SSH2: variants seen among roughly 807,000 people sequenced by gnomAD.
SSH2 encodes the protein protein phosphatase Slingshot homolog 2.
In SSH2, 37 loss-of-function variants were observed where a neutral mutation model predicts 135.2. The ratio of observed to expected loss-of-function variants is 0.27; its 90% CI spans 0.21 to 0.36. The LOEUF (loss-of-function observed/expected upper bound fraction) is 0.36, where lower values mean the gene tolerates loss of function less well. SSH2 is among the 10% of genes least tolerant of loss of function. The pLI, the probability that SSH2 is intolerant of heterozygous loss-of-function variation, is 1.00. For synonymous variants in SSH2, 628 were observed against 646.2 expected, an observed-to-expected ratio of 0.97 and a Z score of 0.43; for missense variants, 1,408 against 1,765.3, an observed-to-expected ratio of 0.80 and a Z score of 3.63.
chr17:29,735,161 A>C (rs1315418244), intron 3 of SSH2, among the ~76,000 whole-genome samples: 3 of 152,138 alleles, frequency 2.0e-5, no homozygotes, highest in Non-Finnish European at 4.4e-5. Flanking sequence ...TGTATTCATG[A>C]ATTTCCTGGT....
At chr17:29,774,528 G>C (rs1462563809) in intron 3 of SSH2, among the ~76,000 whole-genome samples, 1 of 152,194 alleles carries the variant, frequency 6.6e-6, no homozygotes, top group South Asian at 2.1e-4. Flanking sequence ...GCCTCCCAAA[G>C]TGTTGGGATT....
At chr17:29,738,024 C>A (rs1222831134) in intron 3 of SSH2, among the ~76,000 whole-genome samples, 1 of 152,136 alleles carries the variant, frequency 6.6e-6, no homozygotes, top group African/African-American at 2.4e-5. Flanking sequence ...GTGTGCTGCA[C>A]CCATTAACTT....
intron 5 of SSH2, among the ~76,000 whole-genome samples, chr17:29,687,882 T>A (rs1260883147): frequency 1.3e-5 from 2 of 152,166 alleles, no homozygotes; most frequent in Non-Finnish European, 2.9e-5. Flanking sequence ...ACTGATTGGC[T>A]AAGTCAAAGC....
chr17:29,914,903 A>G (rs1465271151), intron 1 of SSH2, among the ~76,000 whole-genome samples: 1 of 152,200 alleles, frequency 6.6e-6, no homozygotes, highest in Non-Finnish European at 1.5e-5. Context: ...CGAGAGAAAT[A>G]TATATTTGAC....
At position 29,740,545 on chromosome 17, in the gene SSH2, C is replaced by T. The variant is rs186693431; in HGVS notation, c.189-37483G>A. Among the ~76,000 whole-genome samples the T allele has an allele frequency of 7.9e-5, 12 of 151,792 alleles. No individual in the cohort carries two copies. In the East Asian group the frequency reaches 2.3e-3, roughly 29 times the overall value. On this transcript the variant is annotated intron_variant, in intron 3 of 15. Coordinates refer to ENST00000540801, the MANE Select transcript of SSH2 (RefSeq NM_001282129.2). ...AAAGAGCCTTTGAGAAACATGCATA[C>T]TTTTCTCTTTTCTCCTATATTCAAT... is the stretch of plus-strand genomic sequence containing the variant.
chr17:29,756,658 G>A (rs377374799), intron 3 of SSH2, among the ~76,000 whole-genome samples: 53 of 151,694 alleles, frequency 3.5e-4, no homozygotes, highest in African/African-American at 1.2e-3. Context: ...TTGGTGTTTT[G>A]TTTTGTTTTT....
rs572917290 is a variant in SSH2, at chr17:29,928,852, CCTT to C, written c.63+1083_63+1085del. Among the ~76,000 whole-genome samples, 1,028 of 152,168 alleles carry C rather than the reference CCTT, an allele frequency of 6.8e-3. 5 individuals carry two copies. The highest frequency in any genetic ancestry group is 0.021 in the Middle Eastern group (6 of 292). ...AAAGTGGTACAGTGTTTATTAAATA[CCTT>C]TTTTTGCAACCTGATACTACCAAAT... On this transcript the variant is annotated intron_variant, in intron 1 of 15. Coordinates refer to ENST00000540801, the MANE Select transcript of SSH2 (RefSeq NM_001282129.2).
intron 1 of SSH2, among the ~76,000 whole-genome samples, chr17:29,903,501 C>T (rs1343831832): frequency 6.6e-6 from 1 of 151,354 alleles, no homozygotes; most frequent in Non-Finnish European, 1.5e-5. Flanking sequence ...ATAGACAAGC[C>T]TATTTTTACT....
At chr17:29,640,952 A>C (rs1204221866) in intron 14 of SSH2, 1 of 152,106 alleles carries the variant, frequency 6.6e-6, no homozygotes, top group East Asian at 1.9e-4. Flanking sequence ...ACTGTGTATA[A>C]AGGTAATCCA....
At chr17:29,907,635 G>A (rs150759199) in intron 1 of SSH2, among the ~76,000 whole-genome samples, 1 of 152,326 alleles carries the variant, frequency 6.6e-6, no homozygotes, top group African/African-American at 2.4e-5. Flanking sequence ...CCATGGCCTA[G>A]AGCTCCTTAA....
At position 29,930,072 on chromosome 17, in the gene SSH2, C is replaced by T. The variant is rs930382144; in HGVS notation, c.-72G>A. 4 of 140,694 alleles carry T rather than the reference C, an allele frequency of 2.8e-5. No individual in the cohort carries two copies. Among genetic ancestry groups the T allele is most frequent in the African/African-American group, 5.8e-5 (1 of 17,170 alleles). 8.7% of individuals were successfully genotyped at this position (140,694 alleles called of 1,614,324 possible). A position where few individuals can be genotyped will look rare whatever the true frequency, so the allele number is the denominator to read the frequency against. On this transcript the variant is annotated 5_prime_UTR_variant, in exon 1 of 16. Transcript: ENST00000540801. ...GTGGGGGACGGGAGGGTGACGGAGC[C>T]GGGATGGGGAAAGGGGTGCGGGGTG... is the stretch of plus-strand genomic sequence containing the variant.
intron 3 of SSH2, among the ~76,000 whole-genome samples, chr17:29,752,880 A>G (rs1026490722): frequency 2.6e-5 from 4 of 151,892 alleles, no homozygotes; most frequent in Non-Finnish European, 5.9e-5. Flanking sequence ...ACATAAAAAG[A>G]TGCTACACCT....
At chr17:29,706,701 C>G (rs1206031362) in intron 3 of SSH2, among the ~76,000 whole-genome samples, 1 of 152,202 alleles carries the variant, frequency 6.6e-6, no homozygotes, top group Non-Finnish European at 1.5e-5. Context: ...ATTCACCAGG[C>G]AAAGTAACAG....
intron 1 of SSH2, among the ~76,000 whole-genome samples, chr17:29,902,115 C>T (rs113071529): frequency 0.061 from 9,226 of 152,090 alleles, 519 homozygotes; most frequent in African/African-American, 0.15. Flanking sequence ...AGCAGCTTGG[C>T]CTATTCCTTA....
chr17:29,724,354 C>A (rs965280515), intron 3 of SSH2, among the ~76,000 whole-genome samples: 10 of 151,844 alleles, frequency 6.6e-5, no homozygotes, highest in Non-Finnish European at 1.2e-4. Flanking sequence ...CATGGTGAAA[C>A]CCCATCTCTA....
rs1220366722 is a variant in SSH2 at position 29,631,501 on chromosome 17, G to C, written c.3693C>G (p.Asp1231Glu). The change falls in exon 16 of 16, where the codon GAC becomes GAG. Residue 1231 changes from aspartate to glutamate, a missense_variant. Around this residue, in one of 3 missense-constraint regions of SSH2, gnomAD observed 1,080 missense variants for 1,144.5 expected, o/e 0.94. Transcript: ENST00000540801. ...DNTGELQEKM[D>E]PLPVACRLPH... ...GGAGTCGACAGGCTACAGGCAATGG[G>C]TCCATTTTCTCCTGTAACTCCCCAG... The C allele has an allele frequency of 1.4e-5, 22 of 1,614,152 alleles. No individual in the cohort carries two copies. Among genetic ancestry groups the C allele is most frequent in the Non-Finnish European group, 1.9e-5 (22 of 1,180,026 alleles).
intron 3 of SSH2, chr17:29,761,439 C>A: frequency 6.0e-6 from 6 of 1,002,374 alleles, no homozygotes; most frequent in Non-Finnish European, 7.1e-6. Context: ...GACTGACGGG[C>A]GTCGCCAGCA....
intron 1 of SSH2, among the ~76,000 whole-genome samples, chr17:29,873,609 G>A: frequency 6.6e-6 from 1 of 151,660 alleles, no homozygotes; most frequent in East Asian, 1.9e-4. Flanking sequence ...ATGGAGACAA[G>A]AAATATAAAA....
At chr17:29,784,799 T>G (rs181884711) in intron 3 of SSH2, among the ~76,000 whole-genome samples, 8 of 152,282 alleles carry the variant, frequency 5.3e-5, no homozygotes, top group African/African-American at 1.9e-4. Context: ...TTTGATGATA[T>G]CCTTCCATTC....
Sources: gnomAD v4.1 joint callset for allele counts (sites outside exome capture counted in the v4.1 genomes callset) on GRCh38, gnomAD v4.1.1 for gene constraint, gnomAD v4.1.1 regional missense constraint, MANE v1.5 for transcripts, NCBI Gene and HGNC (gene_info 2026-07-23, HGNC 2026-07-21) for gene names.